The following SKIC8 variants were observed in gnomAD, a reference collection of about 807,000 sequenced individuals.
SKIC8 encodes the protein SKI8 subunit of superkiller complex.
At chr15:78,289,753 C>T in the SKIC8 span, 5 of 1,587,248 alleles carry the variant, frequency 3.2e-6, no homozygotes, top group African/African-American at 5.4e-5. Flanking sequence ...CTTTCAGACT[C>T]CGTGTTGTTA....
the SKIC8 span, among the ~76,000 whole-genome samples, chr15:78,296,888 T>C: frequency 4.6e-5 from 7 of 152,212 alleles, no homozygotes; most frequent in South Asian, 6.2e-4. Context: ...TTATGTTCTA[T>C]GAAGTCGCTA....
chr15:78,285,116 A>C, the SKIC8 span: 4 of 707,750 alleles, frequency 5.7e-6, no homozygotes, highest in Non-Finnish European at 9.6e-6. Context: ...CTCTGGCTAC[A>C]TGGATGACTG....
At chr15:78,284,834 T>C in the SKIC8 span, 1 of 157,118 alleles carries the variant, frequency 6.4e-6, no homozygotes, top group Non-Finnish European at 1.4e-5. Context: ...AAAAAAAAAA[T>C]CACATCTCTT....
chr15:78,287,278 C>T, the SKIC8 span, among the ~76,000 whole-genome samples: 1 of 151,986 alleles, frequency 6.6e-6, no homozygotes, highest in African/African-American at 2.4e-5. Context: ...GCAAGTATAA[C>T]TCTATAGAGA....
At chr15:78,288,222 C>A in the SKIC8 span, 4 of 1,545,032 alleles carry the variant, frequency 2.6e-6, no homozygotes, top group Non-Finnish European at 3.6e-6. Context: ...CTCCCTAGGG[C>A]TCCTTGTAAC....
chr15:78,292,938 T>C, the SKIC8 span: 2 of 1,027,606 alleles, frequency 1.9e-6, no homozygotes, highest in South Asian at 1.7e-5. Flanking sequence ...CACCAAATGC[T>C]GCCAGGTTTT....
chr15:78,292,694 A>G, the SKIC8 span: 1 of 1,614,228 alleles, frequency 6.2e-7, no homozygotes, highest in Non-Finnish European at 8.5e-7. Context: ...AGAGAGCTGG[A>G]TGCAGCAATG....
the SKIC8 span, chr15:78,285,765 ACC>A: frequency 4.4e-6 from 2 of 451,280 alleles, no homozygotes; most frequent in African/African-American, 3.9e-5. Flanking sequence ...ATTTTAAGTT[ACC>A]ATTGGAACAC....
At chr15:78,294,860 T>A in the SKIC8 span, 4 of 1,544,314 alleles carry the variant, frequency 2.6e-6, no homozygotes, top group Non-Finnish European at 3.6e-6. Context: ...GAAAACTGCA[T>A]GTCTGGTCAG....
At chr15:78,294,712 A>T in the SKIC8 span, 1 of 481,014 alleles carries the variant, frequency 2.1e-6, no homozygotes, top group Non-Finnish European at 3.7e-6. Flanking sequence ...TCCTCAGCCT[A>T]GAATTCCCCA....
chr15:78,294,282 T>C, the SKIC8 span, among the ~76,000 whole-genome samples: 2 of 152,240 alleles, frequency 1.3e-5, no homozygotes, highest in Non-Finnish European at 2.9e-5. Flanking sequence ...AGAGCTTTTA[T>C]TAGGCATTCC....
chr15:78,290,081 G>A, the SKIC8 span: 19 of 1,613,894 alleles, frequency 1.2e-5, no homozygotes, highest in African/African-American at 2.3e-4. Flanking sequence ...AGGAGAAAAG[G>A]CCAAAGTCCA....
At chr15:78,299,069 AG>A in the SKIC8 span, among the ~76,000 whole-genome samples, 1 of 152,290 alleles carries the variant, frequency 6.6e-6, no homozygotes, top group African/African-American at 2.4e-5. Context: ...AGTGTTTCCA[AG>A]GAACACTACA....
At chr15:78,284,471 AATATT>A in the SKIC8 span, 1 of 152,224 alleles carries the variant, frequency 6.6e-6, no homozygotes, top group South Asian at 2.1e-4. Flanking sequence ...ATTAAAAGCC[AATATT>A]ATATTGCCAT....
chr15:78,294,029 C>G, the SKIC8 span, among the ~76,000 whole-genome samples: 1 of 152,180 alleles, frequency 6.6e-6, no homozygotes, highest in Admixed American at 6.5e-5. Context: ...GCGATACCTT[C>G]CCAAAATATG....
the SKIC8 span, chr15:78,288,885 G>A: frequency 1.1e-4 from 49 of 449,616 alleles, no homozygotes; most frequent in Non-Finnish European, 1.5e-4. Context: ...AGAGGCCACC[G>A]GTGTGGACAG....
At chr15:78,289,593 T>A in the SKIC8 span, 1 of 1,532,200 alleles carries the variant, frequency 6.5e-7, no homozygotes, top group Non-Finnish European at 9.0e-7. Context: ...TAACCCAGTT[T>A]GTCAAAATAA....
chr15:78,283,243 A>C, the SKIC8 span: 34 of 511,742 alleles, frequency 6.6e-5, no homozygotes, highest in Admixed American at 9.0e-4. Context: ...TGTTTGCATT[A>C]AGAAAGCTTT....
the SKIC8 span, chr15:78,284,209 C>T: frequency 6.6e-6 from 1 of 152,198 alleles, no homozygotes; most frequent in South Asian, 2.1e-4. Flanking sequence ...TGGGATTGGG[C>T]TGCATGATGG....
Sources: allele counts gnomAD v4.1 joint callset (sites outside exome capture counted in the v4.1 genomes callset), GRCh38; gene constraint gnomAD v4.1.1; transcripts MANE v1.5; gene names NCBI Gene and HGNC (gene_info 2026-07-23, HGNC 2026-07-21).